The following BPIFB4 variants were observed in gnomAD, a reference collection of about 807,000 sequenced individuals.
BPIFB4 encodes the protein BPI fold containing family B member 4.
BPIFB4 carries 62 observed loss-of-function variants against 69.2 expected under a neutral mutation model. The observed-to-expected ratio is 0.90, with a 90% confidence interval of 0.73 to 1.11. The LOEUF (loss-of-function observed/expected upper bound fraction) is 1.11, where lower values mean the gene tolerates loss of function less well. BPIFB4 is among the 50% of genes least tolerant of loss of function. BPIFB4 has a pLI of 0.00. For missense variants in BPIFB4, 789 were observed against 792.0 expected, an observed-to-expected ratio of 1.00 and a Z score of 0.04; for synonymous variants, 330 against 332.7, an observed-to-expected ratio of 0.99 and a Z score of 0.09.
At chr20:33,108,639 C>T (rs1486601198) in intron 17 of BPIFB4, among the ~76,000 whole-genome samples, 2 of 152,082 alleles carry the variant, frequency 1.3e-5, no homozygotes, top group East Asian at 3.9e-4. Context: ...CTCCAAGCCT[C>T]CATTTATTTC....
intron 13 of BPIFB4, among the ~76,000 whole-genome samples, chr20:33,098,310 A>G (rs1981814067): frequency 6.6e-6 from 1 of 152,118 alleles, no homozygotes; most frequent in African/African-American, 2.4e-5. Context: ...AGCACCTACT[A>G]TGTGTTATGC....
rs765549300 is a variant in BPIFB4, at chr20:33,092,460, G to A, written c.1146G>A (p.Thr382=). The A allele has an allele frequency of 1.3e-5, 21 of 1,612,212 alleles. No homozygotes were observed. The South Asian group carries it at 1.9e-4, about 14-fold the overall frequency. The change falls in exon 11 of 18, where the codon ACG becomes ACA. Residue 382 remains threonine (T), a splice_region_variant and synonymous_variant. Transcript: ENST00000375483. ...TGEFLELDLN[T]LVGEAGGGLI... is the part of the protein sequence containing the mutation. ...CCCTTTCTTCTCTTCTCCCCCAGACGCTGGTTGGGGAGGCTGGAGGAGGAC... is the reference window on the plus strand; with the variant it reads ...CCCTTTCTTCTCTTCTCCCCCAGACACTGGTTGGGGAGGCTGGAGGAGGAC...
At chr20:33,109,009 A>G (rs1311915240) in intron 17 of BPIFB4, among the ~76,000 whole-genome samples, 1 of 152,120 alleles carries the variant, frequency 6.6e-6, no homozygotes, top group Non-Finnish European at 1.5e-5. Context: ...TTAGGGAGTC[A>G]GTCAAGGGAG....
chr20:33,105,938 G>T (rs1189750622), intron 16 of BPIFB4, among the ~76,000 whole-genome samples: 1 of 152,184 alleles, frequency 6.6e-6, no homozygotes, highest in African/African-American at 2.4e-5. Context: ...TTTTCAAAAT[G>T]AGAGCTTGGA....
chr20:33,107,503 G>A (rs1194234210), intron 16 of BPIFB4, among the ~76,000 whole-genome samples: 6 of 152,130 alleles, frequency 3.9e-5, no homozygotes, highest in Non-Finnish European at 7.3e-5. Flanking sequence ...AGGCATGTTG[G>A]CATGTGCCTA....
chr20:33,099,080 T>C (rs1981835289), intron 13 of BPIFB4, among the ~76,000 whole-genome samples: 1 of 151,854 alleles, frequency 6.6e-6, no homozygotes, highest in Admixed American at 6.6e-5. Flanking sequence ...AGATGCTCAG[T>C]AAACATTGGT....
chr20:33,088,819 A>G, intron 7 of BPIFB4, 147 bp from the exon 8 acceptor site: 1 of 1,419,568 alleles, frequency 7.0e-7, no homozygotes, highest in Non-Finnish European at 9.6e-7. Flanking sequence ...AGGTGAAGGT[A>G]CTCTGTCCTC....
At chr20:33,099,237 G>A (rs1981840003) in intron 13 of BPIFB4, among the ~76,000 whole-genome samples, 1 of 152,118 alleles carries the variant, frequency 6.6e-6, no homozygotes, top group Admixed American at 6.5e-5. Context: ...GACCAAATAA[G>A]CCACTTCTAG....
Position 33,089,036 on chromosome 20 carries a change from A to G in BPIFB4, c.990+7A>G. The stretch of plus-strand genomic sequence containing the variant: ...CGACGTCCTCCCTGACTTGGTAAGA[A>G]GCTGTCCCAGTATGGGAGCAAGGGG... On this transcript the variant is annotated splice_region_variant and intron_variant, in intron 8 of 17. Transcript: ENST00000375483. 1.2e-6 allele frequency: 2 copies of G among 1,613,858 alleles called. No homozygotes were observed. The highest frequency in any genetic ancestry group is 1.7e-6 in the Non-Finnish European group (2 of 1,179,808).
rs938384599 is a variant in BPIFB4 at position 33,111,604 on chromosome 20, C to T, written c.*167C>T. ...CTTGCCCCAACCCTGAGAAAGGGTCCAGCCACTACCCTGTTGGCAAACATT... is the reference window on the plus strand; with the variant it reads ...CTTGCCCCAACCCTGAGAAAGGGTCTAGCCACTACCCTGTTGGCAAACATT... On this transcript the variant is annotated 3_prime_UTR_variant, in exon 18 of 18. Transcript: ENST00000375483. 73 of 766,594 alleles carry T rather than the reference C, an allele frequency of 9.5e-5. 1 individual carries two copies. Among genetic ancestry groups the T allele is most frequent in the Non-Finnish European group, 1.5e-4 (70 of 470,674 alleles). The allele number at this position is 766,594 out of a possible 1,614,324, so 47.5% of individuals were successfully genotyped here.
chr20:33,111,585 C>T lies in BPIFB4; in HGVS notation c.*148C>T, dbSNP rs1982240697. ...CCCCCAACCCTCTTCCTCCCTTGCC[C>T]CAACCCTGAGAAAGGGTCCAGCCAC... is the stretch of plus-strand genomic sequence containing the variant. On this transcript the variant is annotated 3_prime_UTR_variant, in exon 18 of 18. Transcript: ENST00000375483. 2.1e-6 allele frequency: 2 copies of T among 973,800 alleles called. No individual in the cohort carries two copies. Among genetic ancestry groups the T allele is most frequent in the Non-Finnish European group, 3.1e-6 (2 of 643,130 alleles). The allele number at this position is 973,800 out of a possible 1,614,324, so 60.3% of individuals were successfully genotyped here. A position where few individuals can be genotyped will look rare whatever the true frequency, so the allele number is the denominator to read the frequency against.
At chr20:33,094,970 T>G in intron 11 of BPIFB4, 130 bp from the exon 12 acceptor site, 1 of 889,290 alleles carries the variant, frequency 1.1e-6, no homozygotes, top group Non-Finnish European at 1.9e-6. Flanking sequence ...CCAGGGGTCT[T>G]TCAGGGAGAG....
rs1226224375 is a variant in BPIFB4 at position 33,081,645 on chromosome 20, C to G, written c.106+13C>G. The G allele has an allele frequency of 1.3e-6, 2 of 1,551,366 alleles. No individual in the cohort carries two copies. The highest frequency in any genetic ancestry group is 1.7e-6 in the Non-Finnish European group (2 of 1,146,932). ...GTGTTGAGCAATGGTGAGTCCAGCC[C>G]CAAAGGGGTGAGGGTTGGCATGGGG... On this transcript the variant is annotated intron_variant, in intron 3 of 17. Coordinates refer to ENST00000375483, the MANE Select transcript of BPIFB4 (RefSeq NM_182519.3).
intron 16 of BPIFB4, among the ~76,000 whole-genome samples, chr20:33,105,803 G>A (rs1385849969): frequency 1.3e-5 from 2 of 152,206 alleles, no homozygotes; most frequent in African/African-American, 4.8e-5. Flanking sequence ...GTGAGAGGAT[G>A]GGGTCAGGGG....
At chr20:33,084,016 A>G (rs1351751855) in intron 5 of BPIFB4, 142 bp downstream of exon 5, 5 of 998,206 alleles carry the variant, frequency 5.0e-6, no homozygotes, top group Non-Finnish European at 7.1e-6. Context: ...TGGAAGTTTT[A>G]AGACCCCCAA....
intron 17 of BPIFB4, among the ~76,000 whole-genome samples, chr20:33,108,563 C>T (rs768441131): frequency 4.6e-5 from 7 of 151,934 alleles, no homozygotes; most frequent in South Asian, 4.2e-4. Context: ...GGTTAAAGAA[C>T]GAGGGCTTGG....
At chr20:33,097,496 T>C in intron 12 of BPIFB4, 121 bp from the exon 13 acceptor site, 1 of 1,064,430 alleles carries the variant, frequency 9.4e-7, no homozygotes, top group South Asian at 1.5e-5. Flanking sequence ...GCTTTGCCTG[T>C]GGTTTGTTGG....
chr20:33,089,115 C>T, intron 8 of BPIFB4, 86 bp downstream of exon 8: 1 of 1,590,464 alleles, frequency 6.3e-7, no homozygotes, highest in Non-Finnish European at 8.6e-7. Context: ...CCCTGGGGGC[C>T]TGCAGGTAAC....
At chr20:33,092,039 G>A (rs1981614060) in intron 10 of BPIFB4, among the ~76,000 whole-genome samples, 2 of 152,154 alleles carry the variant, frequency 1.3e-5, no homozygotes, top group Non-Finnish European at 1.5e-5. Context: ...GACTGCAAAG[G>A]CCCTGGTGGC....
Sources: allele counts gnomAD v4.1 joint callset (sites outside exome capture counted in the v4.1 genomes callset), GRCh38; gene constraint gnomAD v4.1.1; transcripts MANE v1.5; gene names NCBI Gene and HGNC (gene_info 2026-07-23, HGNC 2026-07-21).